PRR5L: variants seen among roughly 807,000 people sequenced by gnomAD.
PRR5L encodes the protein proline rich 5 like, also known as proline-rich protein 5-like.
Under a neutral mutation model 36.4 loss-of-function variants are expected in PRR5L, and 21 were observed. That is an observed-to-expected ratio of 0.58 (90% CI 0.41 to 0.83). PRR5L has a LOEUF of 0.83. Among genes scored for constraint, PRR5L ranks in the 40% least tolerant of loss-of-function variants. The probability of loss-of-function intolerance (pLI) is 0.00; values close to 1 mark genes in which losing one functional copy is unlikely to be tolerated. For synonymous variants in PRR5L, 188 were observed against 197.0 expected, an observed-to-expected ratio of 0.95 and a Z score of 0.38; for missense variants, 381 against 473.3, an observed-to-expected ratio of 0.80 and a Z score of 1.81.
chr11:36,395,584 TTATA>T (rs1857642105), intron 1 of PRR5L, among the ~76,000 whole-genome samples: 3 of 152,198 alleles, frequency 2.0e-5, no homozygotes, highest in Non-Finnish European at 4.4e-5. Flanking sequence ...ACTATGTTTG[TTATA>T]GAGTTATGTG....
intron 1 of PRR5L, among the ~76,000 whole-genome samples, chr11:36,370,744 G>T (rs1374353277): frequency 2.6e-5 from 4 of 152,008 alleles, no homozygotes; most frequent in Non-Finnish European, 5.9e-5. Context: ...AGCTGGGTGT[G>T]GTGGCAGGCA....
At chr11:36,439,313 G>T (rs535411688) in intron 6 of PRR5L, among the ~76,000 whole-genome samples, 1 of 152,060 alleles carries the variant, frequency 6.6e-6, no homozygotes, top group Admixed American at 6.5e-5. Flanking sequence ...CATAGCCCCA[G>T]TATAGTCAAG....
intron 1 of PRR5L, chr11:36,376,699 A>G: frequency 1.0e-6 from 1 of 989,670 alleles, no homozygotes; most frequent in Non-Finnish European, 1.2e-6. Flanking sequence ...CGGGGACCCC[A>G]AGGAGGTGAG....
intron 1 of PRR5L, among the ~76,000 whole-genome samples, chr11:36,359,472 A>G (rs1179936620): frequency 6.6e-6 from 1 of 152,214 alleles, no homozygotes; most frequent in African/African-American, 2.4e-5. Context: ...ATTTTTTTAC[A>G]TATTAATTAT....
At chr11:36,414,649 C>T (rs1858102581) in intron 3 of PRR5L, among the ~76,000 whole-genome samples, 1 of 142,794 alleles carries the variant, frequency 7.0e-6, no homozygotes, top group Non-Finnish European at 1.5e-5. Context: ...AAATTTTCTC[C>T]CATTTTGTAG....
At chr11:36,373,702 A>G (rs994006089) in intron 1 of PRR5L, among the ~76,000 whole-genome samples, 2 of 150,434 alleles carry the variant, frequency 1.3e-5, no homozygotes, top group South Asian at 2.1e-4. Context: ...CAGTCCTTCA[A>G]TACTTTTTTA....
chr11:36,448,396 G>A (rs1185193060), intron 7 of PRR5L, among the ~76,000 whole-genome samples: 1 of 152,098 alleles, frequency 6.6e-6, no homozygotes, highest in Non-Finnish European at 1.5e-5. Flanking sequence ...ATCCCTGCCT[G>A]GAACCTGACT....
intron 1 of PRR5L, among the ~76,000 whole-genome samples, chr11:36,354,939 A>G (rs1256727667): frequency 6.6e-6 from 1 of 152,258 alleles, no homozygotes; most frequent in East Asian, 1.9e-4. Context: ...ATGCAAATTC[A>G]GGAGATGGCT....
intron 1 of PRR5L, among the ~76,000 whole-genome samples, chr11:36,360,114 C>G (rs1857071537): frequency 6.6e-6 from 1 of 151,304 alleles, no homozygotes; most frequent in Admixed American, 6.6e-5. Flanking sequence ...AAACAGAAAA[C>G]TTATGTTCTT....
chr11:36,368,799 T>G (rs1013992404), intron 1 of PRR5L, among the ~76,000 whole-genome samples: 5 of 152,232 alleles, frequency 3.3e-5, no homozygotes, highest in African/African-American at 4.8e-5. Context: ...ATAGTTATTT[T>G]CCATAAAATA....
At chr11:36,352,342 G>A (rs1856984333) in intron 1 of PRR5L, among the ~76,000 whole-genome samples, 1 of 141,566 alleles carries the variant, frequency 7.1e-6, no homozygotes, top group African/African-American at 2.5e-5. Flanking sequence ...CTGGACATTA[G>A]CCCTTTTTCA....
Position 36,444,144 on chromosome 11 carries a change from G to GT in PRR5L, c.445-2154dup, listed in dbSNP as rs1279229513. Among the ~76,000 whole-genome samples, 15 of 152,320 alleles carry GT rather than the reference G, an allele frequency of 9.8e-5. No individual in the cohort carries two copies. The South Asian group carries it at 3.1e-3, about 32-fold the overall frequency. ...ATGAAAGCATCTTGGTCAGGAGATG[G>GT]TTGGTTACACACAGTGTGTTCACAC... On this transcript the variant is annotated intron_variant, in intron 6 of 8. Transcript: ENST00000530639.
chr11:36,421,090 C>G (rs1450734845), intron 4 of PRR5L, among the ~76,000 whole-genome samples: 1 of 152,202 alleles, frequency 6.6e-6, no homozygotes, highest in Admixed American at 6.5e-5. Flanking sequence ...CTTGCTGTCT[C>G]TACTGATTGA....
chr11:36,420,743 G>C (rs1858245036), intron 4 of PRR5L, among the ~76,000 whole-genome samples: 1 of 151,906 alleles, frequency 6.6e-6, no homozygotes, highest in Admixed American at 6.6e-5. Context: ...TTTGAAAACA[G>C]TACAGGCATC....
In PRR5L at chr11:36,457,070, C is replaced by T. The variant is rs115794925; in HGVS notation, c.713-5272C>T. ...GGCCCTCCAAGGATCACTGGAGACACCTTTCCCTGGCTCATCCCAGTGGGC... is the reference window on the plus strand; with the variant it reads ...GGCCCTCCAAGGATCACTGGAGACATCTTTCCCTGGCTCATCCCAGTGGGC... On this transcript the variant is annotated intron_variant, in intron 8 of 8. Transcript: ENST00000530639. Among the ~76,000 whole-genome samples the T allele has an allele frequency of 4.0e-3, 614 of 152,312 alleles. 6 individuals carry two copies. The highest frequency in any genetic ancestry group is 0.014 in the African/African-American group (582 of 41,564).
rs558188531 is a variant in PRR5L at position 36,355,124 on chromosome 11, G to A, written c.-125-45873G>A. On this transcript the variant is annotated intron_variant, in intron 1 of 8. Coordinates refer to ENST00000530639, the MANE Select transcript of PRR5L (RefSeq NM_001160167.2). ...TACCTCTCAGATATTTCTAGAGACC[G>A]TCAGCAGAGGGAGGTCTCATCTGCC... 2.6e-5 allele frequency among the ~76,000 whole-genome samples: 4 copies of A among 152,284 alleles called. No homozygotes were observed. In the South Asian group the frequency reaches 6.2e-4, roughly 24 times the overall value.
intron 1 of PRR5L, among the ~76,000 whole-genome samples, chr11:36,340,016 T>G (rs1856803363): frequency 6.6e-6 from 1 of 152,190 alleles, no homozygotes; most frequent in African/African-American, 2.4e-5. Context: ...CCTTGCGTCC[T>G]TACAGCACAG....
chr11:36,410,199 C>T (rs766605214), intron 3 of PRR5L, among the ~76,000 whole-genome samples: 4 of 152,104 alleles, frequency 2.6e-5, no homozygotes, highest in East Asian at 1.9e-4. Flanking sequence ...ATGGGGTTGG[C>T]GCATGTGGTT....
intron 1 of PRR5L, among the ~76,000 whole-genome samples, chr11:36,378,318 T>C (rs930916135): frequency 6.6e-6 from 1 of 152,190 alleles, no homozygotes; most frequent in Non-Finnish European, 1.5e-5. Flanking sequence ...GGCTGGTTAG[T>C]CTTCTCTGGT....
Sources: allele counts gnomAD v4.1 joint callset (sites outside exome capture counted in the v4.1 genomes callset), GRCh38; gene constraint gnomAD v4.1.1; transcripts MANE v1.5; gene names NCBI Gene and HGNC (gene_info 2026-07-23, HGNC 2026-07-21).